The following NFIA variants were observed in gnomAD, a reference collection of about 807,000 sequenced individuals.
The protein encoded by NFIA is nuclear factor 1 A-type.
In NFIA, 8 loss-of-function variants were observed where a neutral mutation model predicts 62.8. That is an observed-to-expected ratio of 0.13 (90% CI 0.07 to 0.23). NFIA has a LOEUF of 0.23. NFIA is among the 10% of genes least tolerant of loss of function. NFIA has a pLI of 1.00. For missense variants in NFIA, 410 were observed against 642.1 expected (o/e 0.64, Z 3.91); for synonymous variants, 235 against 238.1 (o/e 0.99, Z 0.12).
Position 61,270,787 on chromosome 1 carries a change from C to T in NFIA, c.560-6733C>T, listed in dbSNP as rs542097638. 2.0e-5 allele frequency among the ~76,000 whole-genome samples: 3 copies of T among 152,272 alleles called. No homozygotes were observed. In the South Asian group the frequency reaches 6.2e-4, roughly 32 times the overall value. On this transcript the variant is annotated intron_variant, in intron 2 of 10. Coordinates refer to ENST00000403491, the MANE Select transcript of NFIA (RefSeq NM_001134673.4). ...GGCTTTTTAAGCAGGTCTTTGTTTACATGGGAGTGGGTAGGTGATCGGGTA... is the reference window on the plus strand; with the variant it reads ...GGCTTTTTAAGCAGGTCTTTGTTTATATGGGAGTGGGTAGGTGATCGGGTA...
intron 3 of NFIA, among the ~76,000 whole-genome samples, chr1:61,290,665 G>C (rs1445679097): frequency 6.6e-6 from 1 of 152,194 alleles, no homozygotes; most frequent in African/African-American, 2.4e-5. Flanking sequence ...GTCCGAGCTT[G>C]AGCCAGTTCT....
intron 2 of NFIA, among the ~76,000 whole-genome samples, chr1:61,117,619 A>C (rs528449390): frequency 6.2e-4 from 95 of 152,258 alleles, no homozygotes; most frequent in African/African-American, 2.3e-3. Flanking sequence ...GTGTTTTACT[A>C]TTACTTGGCA....
intron 2 of NFIA, among the ~76,000 whole-genome samples, chr1:61,266,623 C>T (rs1342967886): frequency 6.6e-6 from 1 of 152,146 alleles, no homozygotes; most frequent in Non-Finnish European, 1.5e-5. Flanking sequence ...GTCTCAAACT[C>T]TCCTGACCTC....
At chr1:61,233,943 G>T (rs1654827306) in intron 2 of NFIA, among the ~76,000 whole-genome samples, 1 of 152,138 alleles carries the variant, frequency 6.6e-6, no homozygotes, top group South Asian at 2.1e-4. Flanking sequence ...TTTCTACTGA[G>T]AATCTATAGG....
chr1:61,243,827 A>G (rs1236396908), intron 2 of NFIA, among the ~76,000 whole-genome samples: 1 of 152,224 alleles, frequency 6.6e-6, no homozygotes, highest in Non-Finnish European at 1.5e-5. Flanking sequence ...GAAAAAGCAT[A>G]GTACTTTTTA....
chr1:61,218,729 A>G (rs1653810705), intron 2 of NFIA, among the ~76,000 whole-genome samples: 1 of 152,284 alleles, frequency 6.6e-6, no homozygotes, highest in Non-Finnish European at 1.5e-5. Context: ...CAGTGGGCGT[A>G]TAGTATTTCA....
At chr1:61,271,658 A>T (rs780296448) in intron 2 of NFIA, among the ~76,000 whole-genome samples, 6 of 152,148 alleles carry the variant, frequency 3.9e-5, no homozygotes, top group Non-Finnish European at 7.3e-5. Context: ...AGTAGAGGAG[A>T]TGAGGACCAA....
chr1:61,266,555 G>A (rs952904195), intron 2 of NFIA, among the ~76,000 whole-genome samples: 4 of 151,810 alleles, frequency 2.6e-5, no homozygotes, highest in African/African-American at 7.2e-5. Flanking sequence ...GCTCCACCAC[G>A]CCCAGCTAAT....
chr1:61,440,605 C>T (rs148764338), intron 10 of NFIA, among the ~76,000 whole-genome samples: 3 of 151,696 alleles, frequency 2.0e-5, no homozygotes, highest in Admixed American at 1.3e-4. Flanking sequence ...AAAAAGAACA[C>T]GTATTTCTCT....
chr1:61,102,274 A>G (rs527784897), intron 2 of NFIA, among the ~76,000 whole-genome samples: 1 of 152,192 alleles, frequency 6.6e-6, no homozygotes, highest in Non-Finnish European at 1.5e-5. Context: ...AGCGAACTTG[A>G]TATAGTTCAT....
At chr1:61,292,991 C>G (rs1658984156) in intron 3 of NFIA, among the ~76,000 whole-genome samples, 2 of 152,178 alleles carry the variant, frequency 1.3e-5, no homozygotes, top group Admixed American at 1.3e-4. Context: ...GTATTTCTGT[C>G]TGATCTACCT....
At chr1:61,387,555 A>G (rs1269236685) in intron 7 of NFIA, among the ~76,000 whole-genome samples, 1 of 140,702 alleles carries the variant, frequency 7.1e-6, no homozygotes, top group Non-Finnish European at 1.5e-5. Context: ...CCAGCTTGCC[A>G]TCATCTCACA....
At chr1:61,221,014 A>G (rs1273702745) in intron 2 of NFIA, among the ~76,000 whole-genome samples, 1 of 152,166 alleles carries the variant, frequency 6.6e-6, no homozygotes, top group East Asian at 1.9e-4. Context: ...TTTACTCAAC[A>G]CGTGTCTTTT....
chr1:61,213,646 T>C (rs535117489), intron 2 of NFIA, among the ~76,000 whole-genome samples: 1 of 152,290 alleles, frequency 6.6e-6, no homozygotes, highest in East Asian at 1.9e-4. Context: ...ATGCAGAGTA[T>C]TTATGATTGC....
At chr1:61,267,697 G>A (rs948771915) in intron 2 of NFIA, among the ~76,000 whole-genome samples, 1 of 152,200 alleles carries the variant, frequency 6.6e-6, no homozygotes, top group African/African-American at 2.4e-5. Flanking sequence ...GGTACATTTA[G>A]TGGTATTGAT....
chr1:61,183,776 C>A (rs1418707400), intron 2 of NFIA, among the ~76,000 whole-genome samples: 1 of 152,092 alleles, frequency 6.6e-6, no homozygotes, highest in East Asian at 1.9e-4. Context: ...GACCTCCGTG[C>A]CTTTTAGCCA....
intron 4 of NFIA, among the ~76,000 whole-genome samples, chr1:61,333,047 GCA>G (rs71050120): frequency 0.051 from 7,300 of 144,378 alleles, 604 homozygotes; most frequent in African/African-American, 0.17. Context: ...TAGCATGCAC[GCA>G]CACACACACA....
intron 10 of NFIA, among the ~76,000 whole-genome samples, chr1:61,453,118 G>A (rs532749140): frequency 9.2e-5 from 14 of 152,268 alleles, no homozygotes; most frequent in Admixed American, 5.9e-4. Flanking sequence ...TGGAGTGGGG[G>A]TCTTGCTTGC....
chr1:61,374,909 A>T (rs1466394777), intron 6 of NFIA, among the ~76,000 whole-genome samples: 1 of 152,224 alleles, frequency 6.6e-6, no homozygotes, highest in East Asian at 1.9e-4. Context: ...TTTATCGTTG[A>T]GTGTGCTAAT....
Sources: allele counts gnomAD v4.1 joint callset (sites outside exome capture counted in the v4.1 genomes callset), GRCh38; gene constraint gnomAD v4.1.1; transcripts MANE v1.5; gene names NCBI Gene and HGNC (gene_info 2026-07-23, HGNC 2026-07-21).